Variants in MYO1E observed in about 807,000 individuals in gnomAD.
MYO1E encodes the protein unconventional myosin-Ie.
Under a neutral mutation model 151.1 loss-of-function variants are expected in MYO1E, and 68 were observed. That is an observed-to-expected ratio of 0.45 (90% CI 0.37 to 0.55). The LOEUF (loss-of-function observed/expected upper bound fraction) is 0.55. Among genes scored for constraint, MYO1E ranks in the 20% least tolerant of loss-of-function variants. MYO1E has a pLI of 0.00. For synonymous variants in MYO1E, 601 were observed against 501.7 expected (o/e 1.20, Z -2.64); for missense variants, 1,363 against 1,389.3 (o/e 0.98, Z 0.30).
chr15:59,274,470 A>C (rs958396434), intron 1 of MYO1E, among the ~76,000 whole-genome samples: 3 of 152,064 alleles, frequency 2.0e-5, no homozygotes, highest in African/African-American at 7.2e-5. Context: ...CTTTCTGGGC[A>C]CCCACGGTTA....
At chr15:59,272,559 G>A in intron 1 of MYO1E, 110 bp from the exon 2 acceptor site, 1 of 1,172,344 alleles carries the variant, frequency 8.5e-7, no homozygotes, top group Non-Finnish European at 1.2e-6. Flanking sequence ...GTAGCAGAAA[G>A]AGCAGTGCAG....
chr15:59,219,430 A>T (rs2079940185), intron 9 of MYO1E, among the ~76,000 whole-genome samples: 1 of 152,216 alleles, frequency 6.6e-6, no homozygotes, highest in East Asian at 1.9e-4. Flanking sequence ...GCCTTATGAT[A>T]ATGCTAAAAA....
chr15:59,280,524 A>G (rs2080347127), intron 1 of MYO1E, among the ~76,000 whole-genome samples: 1 of 151,778 alleles, frequency 6.6e-6, no homozygotes, highest in Non-Finnish European at 1.5e-5. Context: ...CCAGAGGCTG[A>G]GTCAGGAGAA....
At position 59,287,910 on chromosome 15, in the gene MYO1E, T is replaced by G. The variant is rs527713687; in HGVS notation, c.4-15461A>C. On this transcript the variant is annotated intron_variant, in intron 1 of 27. Transcript: ENST00000288235. The stretch of plus-strand genomic sequence containing the variant: ...GATCAGAAAATGCGTGAATGAATGA[T>G]TATAAGTTATTGTCAAATGAAAACT... 6.1e-4 allele frequency among the ~76,000 whole-genome samples: 93 copies of G among 152,354 alleles called. 1 individual carries two copies. Among genetic ancestry groups the G allele is most frequent in the Admixed American group, 1.6e-3 (25 of 15,314 alleles).
At chr15:59,206,747 A>G (rs1471938395) in intron 14 of MYO1E, 2 of 596,320 alleles carry the variant, frequency 3.4e-6, no homozygotes, top group Non-Finnish European at 5.9e-6. Flanking sequence ...TCACTGCCTT[A>G]GTCTGAGCAC....
chr15:59,161,100 T>A lies in MYO1E; in HGVS notation c.2758A>T (p.Ile920Phe). Residue 920 changes from isoleucine (I) to phenylalanine (F), a missense_variant, in exon 24 of 28, where the codon ATC becomes TTC. By Grantham distance (21) the Ile-to-Phe change is conservative (BLOSUM62 0). Transcript: ENST00000288235. The part of the protein sequence containing the change: ...KPSNKVLQVS[I>F]GPGLPKNSRP... Reference sequence around the variant, plus strand: ...GAGTTCTTGGGCAGTCCAGGTCCGATGCTGACCTGCAGCACTTTGTTACTG... The same window carrying A: ...GAGTTCTTGGGCAGTCCAGGTCCGAAGCTGACCTGCAGCACTTTGTTACTG... 6.2e-7 allele frequency: 1 copy of A among 1,613,882 alleles called. No individual in the cohort carries two copies.
chr15:59,140,826 A>G (rs1319273062), intron 26 of MYO1E, among the ~76,000 whole-genome samples: 1 of 151,460 alleles, frequency 6.6e-6, no homozygotes, highest in Non-Finnish European at 1.5e-5. Context: ...CTTTTACACC[A>G]CCCCACGTGG....
At chr15:59,261,029 C>T in intron 3 of MYO1E, among the ~76,000 whole-genome samples, 1 of 151,988 alleles carries the variant, frequency 6.6e-6, no homozygotes, top group East Asian at 1.9e-4. Context: ...GCCTGACCAA[C>T]ATGGTGAAAT....
In MYO1E at chr15:59,368,939, T is replaced by C. The variant is rs528521991; in HGVS notation, c.3+3559A>G. ...CCCACTAGGATGGCCCACTCACACTTGTCCCTAGATAATGTCCCGGACTCT... is the reference window on the plus strand; with the variant it reads ...CCCACTAGGATGGCCCACTCACACTCGTCCCTAGATAATGTCCCGGACTCT... On this transcript the variant is annotated intron_variant, in intron 1 of 27. Transcript: ENST00000288235. Among the ~76,000 whole-genome samples the C allele has an allele frequency of 2.5e-4, 38 of 152,336 alleles. No homozygotes were observed. The South Asian group carries it at 7.9e-3, about 32-fold the overall frequency.
At position 59,210,627 on chromosome 15, in the gene MYO1E, A is replaced by T. The variant is rs551982709; in HGVS notation, c.1276-27T>A. The stretch of plus-strand genomic sequence containing the variant: ...TGTAACACAGAGACAAGGAACTCAC[A>T]TTATTTCCCAGATAGCAAGAGCTCT... On this transcript the variant is annotated intron_variant, in intron 12 of 27. Transcript: ENST00000288235. The T allele has an allele frequency of 3.4e-6, 5 of 1,489,860 alleles. No homozygotes were observed. In the African/African-American group the frequency reaches 6.9e-5, roughly 21 times the overall value. 92.3% of individuals were successfully genotyped at this position (1,489,860 alleles called of 1,614,324 possible).
chr15:59,210,257 T>C (rs116595422), intron 13 of MYO1E, among the ~76,000 whole-genome samples: 113 of 152,302 alleles, frequency 7.4e-4, no homozygotes, highest in African/African-American at 2.6e-3. Flanking sequence ...CATCATGTGA[T>C]CCTGTCTTCT....
At chr15:59,322,342 T>A (rs990748791) in intron 1 of MYO1E, among the ~76,000 whole-genome samples, 5 of 152,192 alleles carry the variant, frequency 3.3e-5, no homozygotes, top group African/African-American at 7.2e-5. Flanking sequence ...GTGTTTTGTG[T>A]CACCTTTTCA....
intron 1 of MYO1E, among the ~76,000 whole-genome samples, chr15:59,306,823 G>A (rs1222870570): frequency 6.6e-6 from 1 of 152,196 alleles, no homozygotes; most frequent in Non-Finnish European, 1.5e-5. Flanking sequence ...GGCACGCCTG[G>A]TGCTCATGCT....
At chr15:59,216,695 C>CAT (rs1307657310) in intron 10 of MYO1E, among the ~76,000 whole-genome samples, 2,290 of 17,534 alleles carry the variant, frequency 0.13, 84 homozygotes, top group Admixed American at 0.35. Context: ...TACACATACA[C>CAT]ACACACACAC....
rs377046006 is a variant in MYO1E at position 59,195,602 on chromosome 15, T to C, written c.1699-35A>G. The C allele has an allele frequency of 2.5e-4, 401 of 1,577,296 alleles. 1 individual carries two copies. In the South Asian group the frequency reaches 3.5e-3, roughly 14 times the overall value. ...AAGAACAGTATCAGAATCATGGAACTTTCTCTAAAGAAGACCAAATTTCAA... is the reference window on the plus strand; with the variant it reads ...AAGAACAGTATCAGAATCATGGAACCTTCTCTAAAGAAGACCAAATTTCAA... On this transcript the variant is annotated intron_variant, in intron 16 of 27. Coordinates refer to ENST00000288235, the MANE Select transcript of MYO1E (RefSeq NM_004998.4).
At chr15:59,173,693 A>T (rs997920942) in intron 21 of MYO1E, 53 bp downstream of exon 21, 4 of 1,592,248 alleles carry the variant, frequency 2.5e-6, no homozygotes, top group Non-Finnish European at 3.4e-6. Flanking sequence ...ACAAGTTATT[A>T]AAAAAATAAG....
chr15:59,272,589 T>TA, intron 1 of MYO1E, 140 bp from the exon 2 acceptor site: 1 of 959,496 alleles, frequency 1.0e-6, no homozygotes, highest in South Asian at 1.5e-5. Context: ...CTGCAATCAA[T>TA]AAGATGAGGA....
At chr15:59,228,550 T>C (rs1392016842) in intron 6 of MYO1E, among the ~76,000 whole-genome samples, 3 of 151,588 alleles carry the variant, frequency 2.0e-5, no homozygotes, top group South Asian at 2.1e-4. Flanking sequence ...TATATTTAAA[T>C]TGGTTTTTTT....
intron 5 of MYO1E, among the ~76,000 whole-genome samples, chr15:59,233,663 A>AAAAAT (rs1211302240): frequency 1.1e-5 from 1 of 94,338 alleles, no homozygotes; most frequent in African/African-American, 4.0e-5. Context: ...ACTCCGTCTA[A>AAAAAT]AAAAAAAAAA....
Sources: gnomAD v4.1 joint callset for allele counts (sites outside exome capture counted in the v4.1 genomes callset) on GRCh38, gnomAD v4.1.1 for gene constraint, MANE v1.5 for transcripts, NCBI Gene and HGNC (gene_info 2026-07-23, HGNC 2026-07-21) for gene names.